The following PLEKHG7 variants were observed in gnomAD, a reference collection of about 807,000 sequenced individuals.
PLEKHG7 encodes the protein pleckstrin homology and RhoGEF domain containing G7.
A neutral mutation model predicts 85.2 loss-of-function variants in PLEKHG7; 77 were observed. The ratio of observed to expected loss-of-function variants is 0.90; its 90% CI spans 0.75 to 1.09. PLEKHG7 has a LOEUF of 1.09. Among genes scored for constraint, PLEKHG7 ranks in the 50% least tolerant of loss-of-function variants. PLEKHG7 has a pLI of 0.00. For synonymous variants in PLEKHG7, 301 were observed against 302.4 expected (o/e 1.00, Z 0.05); for missense variants, 777 against 804.3 (o/e 0.97, Z 0.41).
At chr12:92,723,254 T>C (rs1049799222) in intron 3 of PLEKHG7, among the ~76,000 whole-genome samples, 1 of 152,224 alleles carries the variant, frequency 6.6e-6, no homozygotes, top group Non-Finnish European at 1.5e-5. Context: ...TTCCATTTAC[T>C]TAACAAATGT....
At chr12:92,741,999 C>T (rs1233489368) in intron 9 of PLEKHG7, among the ~76,000 whole-genome samples, 1 of 152,200 alleles carries the variant, frequency 6.6e-6, no homozygotes. Context: ...GATCATATTT[C>T]TGTGGGTGAA....
chr12:92,732,340 C>A, intron 5 of PLEKHG7, 67 bp downstream of exon 5: 2 of 936,984 alleles, frequency 2.1e-6, no homozygotes, highest in Non-Finnish European at 2.8e-6. Context: ...TAAGAAATGG[C>A]TGAAGAGTCT....
intron 10 of PLEKHG7, among the ~76,000 whole-genome samples, chr12:92,748,079 T>C (rs1305940867): frequency 1.3e-5 from 2 of 152,174 alleles, no homozygotes; most frequent in Non-Finnish European, 2.9e-5. Flanking sequence ...ATAATTATGG[T>C]TATGGCTATC....
chr12:92,742,108 TTTTTAATCTAA>T (rs1338925767), intron 9 of PLEKHG7, among the ~76,000 whole-genome samples: 4 of 152,162 alleles, frequency 2.6e-5, no homozygotes, highest in Non-Finnish European at 5.9e-5. Context: ...TACTTTGAGG[TTTTTAATCTAA>T]TTTTAATCTA....
chr12:92,710,749 C>A (rs1022223203), intron 3 of PLEKHG7, among the ~76,000 whole-genome samples: 1 of 152,202 alleles, frequency 6.6e-6, no homozygotes, highest in Admixed American at 6.5e-5. Flanking sequence ...TGGAAGTCCA[C>A]TTTACTGAGC....
chr12:92,754,017 C>T (rs1872757644), intron 10 of PLEKHG7, 73 bp from the exon 11 acceptor site: 5 of 1,487,774 alleles, frequency 3.4e-6, no homozygotes, highest in South Asian at 1.2e-5. Context: ...CCAAGAACCT[C>T]TCATATCCAG....
chr12:92,722,232 G>C lies in PLEKHG7; in HGVS notation c.531-6761G>C, dbSNP rs11615680. Among the ~76,000 whole-genome samples, 1,209 of 152,006 alleles carry C rather than the reference G, an allele frequency of 8.0e-3. 12 individuals are homozygous for C. Among genetic ancestry groups the C allele is most frequent in the Non-Finnish European group, 0.014 (931 of 67,986 alleles). Reference sequence around the variant, plus strand: ...GAGCAACCCCAGCTGACACAGACCCGGGTCTTTTCTAGAGTGCCCAGAAAT... The same window carrying C: ...GAGCAACCCCAGCTGACACAGACCCCGGTCTTTTCTAGAGTGCCCAGAAAT... On this transcript the variant is annotated intron_variant, in intron 3 of 16. Transcript: ENST00000344636.
chr12:92,755,700 C>T (rs1872805929), intron 11 of PLEKHG7, 125 bp from the exon 12 acceptor site: 1 of 709,940 alleles, frequency 1.4e-6, no homozygotes, highest in Non-Finnish European at 2.5e-6. Context: ...GTGAAATGAA[C>T]TTTATATATT....
intron 6 of PLEKHG7, 112 bp downstream of exon 6, chr12:92,736,689 T>C: frequency 1.7e-6 from 1 of 590,518 alleles, no homozygotes. Flanking sequence ...TTGTTTATAG[T>C]AAGAGCAAAA....
In PLEKHG7 at chr12:92,706,922, C is replaced by T. The variant is rs1177441099; in HGVS notation, c.291C>T (p.His97=). 1.2e-6 allele frequency: 2 copies of T among 1,614,192 alleles called. No homozygotes were observed. Among genetic ancestry groups the T allele is most frequent in the Non-Finnish European group, 8.5e-7 (1 of 1,180,032 alleles). ...CAGGAAGCCCAAAGGATTCTTCACA[C>T]TTGCTGTCACCCTTGAGACTCCACT... ...SLPGSPKDSS[H]LLSPLRLHSR... Residue 97 remains histidine, a synonymous_variant, in exon 2 of 17, where the codon CAC becomes CAT. Coordinates refer to ENST00000344636, the MANE Select transcript of PLEKHG7 (RefSeq NM_001377329.1).
rs1440738728 is a variant in PLEKHG7 at position 92,761,634 on chromosome 12, GAAAGAAAGAA to G, written c.1637-116_1637-107del. On this transcript the variant is annotated intron_variant, in intron 13 of 16. Coordinates refer to ENST00000344636, the MANE Select transcript of PLEKHG7 (RefSeq NM_001377329.1). ...AAGAAAGAAAGAAAGAAGAAAGAAA[GAAAGAAAGAA>G]AGAAAGAAAGAAAGAAAGAAAGAAA... 7.2e-6 allele frequency: 2 copies of G among 278,172 alleles called. 1 individual carries two copies. The highest frequency in any genetic ancestry group is 9.9e-6 in the Non-Finnish European group (2 of 201,414). The allele number at this position is 278,172 out of a possible 1,614,324, so 17.2% of individuals were successfully genotyped here. A position where few individuals can be genotyped will look rare whatever the true frequency, so the allele number is the denominator to read the frequency against.
At chr12:92,720,515 CAG>C (rs1871608543) in intron 3 of PLEKHG7, among the ~76,000 whole-genome samples, 1 of 151,956 alleles carries the variant, frequency 6.6e-6, no homozygotes, top group Admixed American at 6.6e-5. Context: ...TTAGTAGAGA[CAG>C]GGTCCCACCA....
At chr12:92,707,538 A>C in intron 2 of PLEKHG7, 112 bp from the exon 3 acceptor site, 1 of 1,505,672 alleles carries the variant, frequency 6.6e-7, no homozygotes, top group Non-Finnish European at 8.9e-7. Flanking sequence ...ACCAAAATGT[A>C]AAACATGTTT....
chr12:92,746,162 C>T (rs1444812947), intron 10 of PLEKHG7, among the ~76,000 whole-genome samples: 1 of 152,232 alleles, frequency 6.6e-6, no homozygotes, highest in Non-Finnish European at 1.5e-5. Flanking sequence ...TCTCCCCTGA[C>T]TTCTCTAATT....
intron 7 of PLEKHG7, 152 bp downstream of exon 7, chr12:92,737,673 G>T: frequency 1.8e-6 from 1 of 555,364 alleles, no homozygotes; most frequent in East Asian, 4.2e-5. Flanking sequence ...AGGAAGGAAA[G>T]GAAGGAAGAC....
chr12:92,714,960 C>G (rs1055573023), intron 3 of PLEKHG7, among the ~76,000 whole-genome samples: 11 of 151,960 alleles, frequency 7.2e-5, no homozygotes, highest in African/African-American at 2.7e-4. Flanking sequence ...TCCTCTAGAA[C>G]CACTCCTTGT....
At chr12:92,718,473 A>G (rs1473293937) in intron 3 of PLEKHG7, among the ~76,000 whole-genome samples, 1 of 152,230 alleles carries the variant, frequency 6.6e-6, no homozygotes, top group East Asian at 1.9e-4. Flanking sequence ...TATCCCCGGT[A>G]CCTAGAACAC....
chr12:92,763,276 T>C (rs1467930437), intron 14 of PLEKHG7, among the ~76,000 whole-genome samples: 1 of 152,188 alleles, frequency 6.6e-6, no homozygotes, highest in Non-Finnish European at 1.5e-5. Flanking sequence ...CACCATCTTA[T>C]GTGTTCAAAA....
At chr12:92,736,099 C>T (rs753620243) in intron 5 of PLEKHG7, among the ~76,000 whole-genome samples, 12 of 151,998 alleles carry the variant, frequency 7.9e-5, no homozygotes, top group Admixed American at 3.3e-4. Flanking sequence ...GTCTGAGGTA[C>T]CTTCTGATGT....
Sources: gnomAD v4.1 joint callset for allele counts (sites outside exome capture counted in the v4.1 genomes callset) on GRCh38, gnomAD v4.1.1 for gene constraint, MANE v1.5 for transcripts, NCBI Gene and HGNC (gene_info 2026-07-23, HGNC 2026-07-21) for gene names.